COL4A1: variants seen among roughly 807,000 people sequenced by gnomAD.
COL4A1 encodes the protein collagen type IV alpha 1 chain.
COL4A1 carries 40 observed loss-of-function variants against 216.6 expected under a neutral mutation model. The observed-to-expected ratio is 0.18, with a 90% confidence interval of 0.14 to 0.24. The LOEUF (loss-of-function observed/expected upper bound fraction) is 0.24. Among genes scored for constraint, COL4A1 ranks in the 10% least tolerant of loss-of-function variants. The pLI is 1.00. For synonymous variants in COL4A1, 839 were observed against 810.7 expected (o/e 1.03, Z -0.59); for missense variants, 1,628 against 2,196.8 (o/e 0.74, Z 5.18).
Position 110,207,561 on chromosome 13 carries a change from G to T in COL4A1, c.694-72C>A. 8.2e-7 allele frequency: 1 copy of T among 1,222,216 alleles called. No individual in the cohort carries two copies. Among genetic ancestry groups the T allele is most frequent in the South Asian group, 1.2e-5 (1 of 81,588 alleles). 75.7% of individuals were successfully genotyped at this position (1,222,216 alleles called of 1,614,324 possible). On this transcript the variant is annotated intron_variant, in intron 12 of 51. Transcript: ENST00000375820. The surrounding 1 kb of genome is among the most constrained non-coding windows in gnomAD (Gnocchi z 4.4). ...GCAGACATGAAAAATTGCAGAGAGA[G>T]GTAAAAGCCTAAAATAAAACACCTA... is the stretch of plus-strand genomic sequence containing the variant.
chr13:110,170,255 T>A (rs1179635293), intron 42 of COL4A1, among the ~76,000 whole-genome samples: 2 of 152,152 alleles, frequency 1.3e-5, no homozygotes, highest in African/African-American at 4.8e-5. Flanking sequence ...AACCCACAAG[T>A]GGGCCCAAGT....
intron 1 of COL4A1, among the ~76,000 whole-genome samples, chr13:110,273,779 G>A (rs1439013746): frequency 1.3e-5 from 2 of 152,138 alleles, no homozygotes; most frequent in African/African-American, 2.4e-5. Context: ...CACAGATGTG[G>A]CTCCTCTTTT....
chr13:110,276,446 C>T (rs1405144221), intron 1 of COL4A1, among the ~76,000 whole-genome samples: 1 of 152,118 alleles, frequency 6.6e-6, no homozygotes, highest in Non-Finnish European at 1.5e-5. Flanking sequence ...GACTGATTCT[C>T]GTTGTACCGC....
chr13:110,200,709 C>T (rs1245187192), intron 20 of COL4A1, 145 bp downstream of exon 20: 2 of 890,638 alleles, frequency 2.2e-6, no homozygotes, highest in Non-Finnish European at 3.7e-6. Context: ...CTTGTCTACT[C>T]TGCTTTCATC....
rs1555305317 is a variant in COL4A1 at position 110,198,078 on chromosome 13, G to GTGTGTGTGTGTGTGT, written c.1285+388_1285+389insACACACACACACACA. ...GTAATCCTGTCTTCCTTGTTTCTGG[G>GTGTGTGTGTGTGTGT]GTGTGTGTGTGTGTGTGTGTGTGTG... On this transcript the variant is annotated intron_variant, in intron 21 of 51. Transcript: ENST00000375820. 4.3e-3 allele frequency among the ~76,000 whole-genome samples: 614 copies of GTGTGTGTGTGTGTGT among 141,916 alleles called. 5 individuals carry two copies. Among genetic ancestry groups the GTGTGTGTGTGTGTGT allele is most frequent in the African/African-American group, 0.011 (399 of 36,660 alleles). The allele number at this position is 141,916 out of a possible 152,430, so 93.1% of individuals were successfully genotyped here.
At chr13:110,173,543 T>C (rs1003841812) in intron 40 of COL4A1, among the ~76,000 whole-genome samples, 19 of 152,230 alleles carry the variant, frequency 1.2e-4, no homozygotes, top group African/African-American at 4.6e-4. Flanking sequence ...GGGGAAATGC[T>C]GGGCAAAGAA....
At position 110,179,266 on chromosome 13, in the gene COL4A1, G is replaced by A; in HGVS notation, c.2344+5C>T. 2 of 1,614,092 alleles carry A rather than the reference G, an allele frequency of 1.2e-6. No individual in the cohort carries two copies. Among genetic ancestry groups the A allele is most frequent in the Non-Finnish European group, 1.7e-6 (2 of 1,180,008 alleles). On this transcript the variant is annotated splice_donor_5th_base_variant and intron_variant, in intron 30 of 51. Coordinates refer to ENST00000375820, the MANE Select transcript of COL4A1 (RefSeq NM_001845.6). ...AACCCTCCAGACTGATCTGCATGAA[G>A]TTACCTCTGATCCCCTGAAGCCCAG...
At chr13:110,287,654 G>A (rs369838258) in intron 1 of COL4A1, among the ~76,000 whole-genome samples, 13 of 152,228 alleles carry the variant, frequency 8.5e-5, no homozygotes, top group Middle Eastern at 3.2e-3. Context: ...CTTGAGCGCC[G>A]TACAGTGGGA....
chr13:110,260,680 A>C (rs916470063), intron 1 of COL4A1, among the ~76,000 whole-genome samples: 1 of 152,104 alleles, frequency 6.6e-6, no homozygotes, highest in African/African-American at 2.4e-5. Flanking sequence ...AGAGGAAAAG[A>C]GTTCTGGAGT....
chr13:110,212,116 G>T (rs1279470316), intron 6 of COL4A1, among the ~76,000 whole-genome samples, 194 bp from the exon 7 acceptor site: 1 of 152,118 alleles, frequency 6.6e-6, no homozygotes, highest in East Asian at 1.9e-4. Flanking sequence ...CATTAATAGG[G>T]ACAAAGGCCC....
intron 1 of COL4A1, among the ~76,000 whole-genome samples, chr13:110,286,027 G>A (rs78433414): frequency 0.026 from 3,999 of 152,300 alleles, 78 homozygotes; most frequent in Non-Finnish European, 0.042. Flanking sequence ...ATAGTGCAGA[G>A]GGCAAAGGTG....
At chr13:110,228,322 A>G (rs1880846114) in intron 2 of COL4A1, among the ~76,000 whole-genome samples, 2 of 152,128 alleles carry the variant, frequency 1.3e-5, no homozygotes, top group Non-Finnish European at 1.5e-5. Flanking sequence ...GGTGAAGCAG[A>G]TTCCTTTAAA....
At chr13:110,208,740 G>T in intron 12 of COL4A1, 109 bp downstream of exon 12, 1 of 1,016,850 alleles carries the variant, frequency 9.8e-7, no homozygotes, top group Non-Finnish European at 1.6e-6. Context: ...AACATGCAGA[G>T]AAGAGTAACT....
At chr13:110,197,891 C>T (rs1263086030) in intron 21 of COL4A1, among the ~76,000 whole-genome samples, 1 of 152,208 alleles carries the variant, frequency 6.6e-6, no homozygotes, top group Non-Finnish European at 1.5e-5. Context: ...TCCCATTGCA[C>T]AGGTTGGCTT....
chr13:110,163,950 A>G (rs1877204549), intron 46 of COL4A1, among the ~76,000 whole-genome samples: 1 of 150,622 alleles, frequency 6.6e-6, no homozygotes, highest in African/African-American at 2.4e-5. Flanking sequence ...GTTTTCATGT[A>G]CATAGCTTGT....
Position 110,155,369 on chromosome 13 carries a change from C to A in COL4A1, c.4669G>T (p.Val1557Leu), listed in dbSNP as rs1876735440. ...ATGGTCTGGCTGTGCACGGCCATCA[C>A]CATGGCAGGCGCCTCACACACAGCA... ...RCAVCEAPAM[V>L]MAVHSQTIQI... Residue 1557 changes from valine to leucine, a missense_variant, in exon 50 of 52, where the codon GTG becomes TTG. By Grantham distance (32) the Val-to-Leu change is conservative. Coordinates refer to ENST00000375820, the MANE Select transcript of COL4A1 (RefSeq NM_001845.6). 1 of 1,613,998 alleles carries A rather than the reference C, an allele frequency of 6.2e-7. No homozygotes were observed. The highest frequency in any genetic ancestry group is 8.5e-7 in the Non-Finnish European group (1 of 1,179,976).
intron 18 of COL4A1, 49 bp downstream of exon 18, chr13:110,203,517 C>T (rs1056700282): frequency 5.0e-6 from 8 of 1,606,718 alleles, no homozygotes; most frequent in African/African-American, 1.3e-5. Context: ...GGGTCCTCTC[C>T]TTCCTCCCCC....
chr13:110,189,343 G>A lies in COL4A1; in HGVS notation c.1537-2014C>T, dbSNP rs552855292. Among the ~76,000 whole-genome samples, 192 of 152,322 alleles carry A rather than the reference G, an allele frequency of 1.3e-3. 1 individual carries two copies. The highest frequency in any genetic ancestry group is 2.0e-3 in the Non-Finnish European group (139 of 68,036). On this transcript the variant is annotated intron_variant, in intron 24 of 51. Coordinates refer to ENST00000375820, the MANE Select transcript of COL4A1 (RefSeq NM_001845.6). ...CTCCCAAAGTGCTGGGATTTCAGGC[G>A]TGAGCCACCGTACCCAGCAGTGACT...
chr13:110,304,294 T>C (rs140951369), intron 1 of COL4A1, among the ~76,000 whole-genome samples: 38 of 152,338 alleles, frequency 2.5e-4, no homozygotes, highest in East Asian at 5.8e-4. Flanking sequence ...TCCATACTTA[T>C]ATGGGAATGA....
Sources: allele counts gnomAD v4.1 joint callset (sites outside exome capture counted in the v4.1 genomes callset), GRCh38; gene constraint gnomAD v4.1.1; non-coding constraint Gnocchi (gnomAD v3.1); transcripts MANE v1.5; gene names NCBI Gene and HGNC (gene_info 2026-07-23, HGNC 2026-07-21).